Variants in SPAG16 observed in about 807,000 individuals in gnomAD.
SPAG16 encodes sperm associated antigen 16.
In SPAG16, 86 loss-of-function variants were observed where a neutral mutation model predicts 80.4. The observed-to-expected ratio is 1.07, with a 90% CI of 0.90 to 1.28. The LOEUF is 1.28. SPAG16 is among the 50% of genes most tolerant of loss of function. SPAG16 has a pLI of 0.00. For synonymous variants in SPAG16, 294 were observed against 265.9 expected (o/e 1.11, Z -1.03); for missense variants, 870 against 765.3 (o/e 1.14, Z -1.61).
chr2:214,310,165 CT>C (rs3044977), intron 15 of SPAG16, among the ~76,000 whole-genome samples: 13,941 of 143,542 alleles, frequency 0.097, 701 homozygotes, highest in Middle Eastern at 0.15. Flanking sequence ...TTCTTTCTTT[CT>C]TTTTTTTTTT....
intron 12 of SPAG16, among the ~76,000 whole-genome samples, chr2:214,011,600 A>C (rs1422323742): frequency 6.6e-6 from 1 of 152,234 alleles, no homozygotes; most frequent in Non-Finnish European, 1.5e-5. Context: ...CTTTATTTAC[A>C]AAAATAAGCA....
At chr2:213,432,724 G>A (rs910986791) in intron 9 of SPAG16, among the ~76,000 whole-genome samples, 1 of 152,046 alleles carries the variant, frequency 6.6e-6, no homozygotes, top group African/African-American at 2.4e-5. Context: ...AAATTGAGGT[G>A]GTGGGAATCT....
chr2:214,371,684 A>AC (rs1559250428), intron 15 of SPAG16, among the ~76,000 whole-genome samples: 1 of 36,762 alleles, frequency 2.7e-5, no homozygotes, highest in African/African-American at 6.0e-5. Context: ...TATAGATAAT[A>AC]ATTTTTTTTT....
At position 213,329,465 on chromosome 2, in the gene SPAG16, C is replaced by T. The variant is rs1272542280; in HGVS notation, c.537-10698C>T. Among the ~76,000 whole-genome samples, 3 of 152,174 alleles carry T rather than the reference C, an allele frequency of 2.0e-5. 1 individual carries two copies. Among genetic ancestry groups the T allele is most frequent in the South Asian group, 4.2e-4 (2 of 4,818 alleles). On this transcript the variant is annotated intron_variant, in intron 5 of 15. Transcript: ENST00000331683. ...AGCAAAGAGACTGGTGATATTTTGC[C>T]CCTGTCCTAGAGATTTGTGGAACTT...
intron 13 of SPAG16, among the ~76,000 whole-genome samples, chr2:214,087,596 T>A (rs150149286): frequency 2.7e-3 from 415 of 152,056 alleles, no homozygotes; most frequent in Middle Eastern, 7.1e-3. Context: ...AAGTAATGTA[T>A]GTTGGGAATT....
chr2:213,974,267 T>C (rs532112775), intron 12 of SPAG16, among the ~76,000 whole-genome samples: 1 of 152,198 alleles, frequency 6.6e-6, no homozygotes, highest in Non-Finnish European at 1.5e-5. Flanking sequence ...TTCAGAAGAT[T>C]AGTTTGGCAG....
chr2:214,140,933 T>TGGG (rs56893647), intron 14 of SPAG16, among the ~76,000 whole-genome samples: 2 of 59,212 alleles, frequency 3.4e-5, no homozygotes, highest in African/African-American at 6.5e-5. Flanking sequence ...ATCCCATTGG[T>TGGG]GGGGGGGGGG....
At chr2:213,469,951 C>T (rs1224552047) in intron 9 of SPAG16, among the ~76,000 whole-genome samples, 1 of 152,108 alleles carries the variant, frequency 6.6e-6, no homozygotes, top group Non-Finnish European at 1.5e-5. Flanking sequence ...CTCTCTAGAA[C>T]TAAGACTTCT....
intron 10 of SPAG16, among the ~76,000 whole-genome samples, chr2:213,804,396 T>C (rs552061642): frequency 9.2e-5 from 14 of 152,104 alleles, no homozygotes; most frequent in African/African-American, 3.1e-4. Flanking sequence ...TAAAGAACAT[T>C]ATAAGGGCCG....
chr2:213,823,942 C>T (rs557513804), intron 10 of SPAG16, among the ~76,000 whole-genome samples: 3 of 152,278 alleles, frequency 2.0e-5, no homozygotes, highest in Admixed American at 6.5e-5. Context: ...TCAATTTTGG[C>T]TTTTGTTGCA....
intron 12 of SPAG16, among the ~76,000 whole-genome samples, chr2:214,003,500 T>C (rs1428690602): frequency 2.6e-5 from 4 of 152,228 alleles, no homozygotes; most frequent in African/African-American, 9.6e-5. Flanking sequence ...TATTGTGTAA[T>C]GTTGAGTGTT....
intron 11 of SPAG16, among the ~76,000 whole-genome samples, chr2:213,876,304 C>CAAA (rs71063792): frequency 0.016 from 1,287 of 80,148 alleles, 25 homozygotes; most frequent in African/African-American, 0.044. Context: ...AACTTTGAAC[C>CAAA]AAAAAAAAAA....
intron 10 of SPAG16, among the ~76,000 whole-genome samples, chr2:213,542,485 G>A (rs2076479705): frequency 6.6e-6 from 1 of 151,972 alleles, no homozygotes; most frequent in Non-Finnish European, 1.5e-5. Flanking sequence ...TTCTTTGTCA[G>A]TAAAATCCTC....
intron 13 of SPAG16, among the ~76,000 whole-genome samples, chr2:214,101,302 T>C (rs1559793483): frequency 6.6e-6 from 1 of 152,074 alleles, no homozygotes; most frequent in Non-Finnish European, 1.5e-5. Context: ...TCTCACAACA[T>C]GTGTGTCCTG....
At chr2:214,393,707 A>G (rs938572771) in intron 15 of SPAG16, among the ~76,000 whole-genome samples, 2 of 152,132 alleles carry the variant, frequency 1.3e-5, no homozygotes, top group Non-Finnish European at 2.9e-5. Context: ...ATGCTTTACA[A>G]CACTCATAAT....
At chr2:213,410,250 TCTAGTTATTAA>T (rs1488417295) in intron 9 of SPAG16, among the ~76,000 whole-genome samples, 15 of 152,374 alleles carry the variant, frequency 9.8e-5, no homozygotes, top group African/African-American at 3.4e-4. Flanking sequence ...TTGCTGACCA[TCTAGTTATTAA>T]CATAAGCAAG....
chr2:214,216,652 C>A (rs2058440521), intron 15 of SPAG16, among the ~76,000 whole-genome samples: 1 of 152,186 alleles, frequency 6.6e-6, no homozygotes, highest in African/African-American at 2.4e-5. Flanking sequence ...AATCTTGGAG[C>A]ACAGTACATT....
chr2:214,133,130 A>AAT (rs1329085491), intron 14 of SPAG16, among the ~76,000 whole-genome samples: 906 of 4,526 alleles, frequency 0.2, 8 homozygotes, highest in African/African-American at 0.22. Flanking sequence ...AAATAATAAT[A>AAT]AAAAAAAAAC....
intron 13 of SPAG16, among the ~76,000 whole-genome samples, chr2:214,028,671 A>G (rs1575879379): frequency 6.6e-6 from 1 of 152,132 alleles, no homozygotes; most frequent in East Asian, 1.9e-4. Context: ...TGTATTTCTG[A>G]TATATTAACA....
Sources: allele counts gnomAD v4.1 joint callset (sites outside exome capture counted in the v4.1 genomes callset), GRCh38; gene constraint gnomAD v4.1.1; transcripts MANE v1.5; gene names NCBI Gene and HGNC (gene_info 2026-07-23, HGNC 2026-07-21).